Variants in PTPRT observed in about 807,000 individuals in gnomAD.
PTPRT encodes protein tyrosine phosphatase receptor type T, also known as receptor-type tyrosine-protein phosphatase T.
In PTPRT, 56 loss-of-function variants were observed where a neutral mutation model predicts 176.8. The ratio of observed to expected loss-of-function variants is 0.32; its 90% CI spans 0.26 to 0.40. PTPRT has a LOEUF of 0.40. Among genes scored for constraint, PTPRT ranks in the 10% least tolerant of loss-of-function variants. The pLI is 1.00. For missense variants in PTPRT, 1,540 were observed against 1,908.2 expected, an observed-to-expected ratio of 0.81 and a Z score of 3.60; for synonymous variants, 783 against 739.0, an observed-to-expected ratio of 1.06 and a Z score of -0.96.
At chr20:42,769,866 A>G (rs537275316) in intron 5 of PTPRT, among the ~76,000 whole-genome samples, 1 of 152,358 alleles carries the variant, frequency 6.6e-6, no homozygotes, top group Non-Finnish European at 1.5e-5. Context: ...AGAAGGGTAC[A>G]TACCGCATGC....
At chr20:42,843,882 G>A (rs555345768) in intron 2 of PTPRT, among the ~76,000 whole-genome samples, 1 of 152,308 alleles carries the variant, frequency 6.6e-6, no homozygotes, top group African/African-American at 2.4e-5. Context: ...AATTCTATTA[G>A]TAGAACCAGC....
chr20:42,965,305 T>G (rs1982231363), intron 1 of PTPRT, among the ~76,000 whole-genome samples: 1 of 152,044 alleles, frequency 6.6e-6, no homozygotes, highest in Non-Finnish European at 1.5e-5. Context: ...ATGACCTACT[T>G]CAAAAGACCA....
At chr20:42,621,456 A>G (rs936183947) in intron 7 of PTPRT, among the ~76,000 whole-genome samples, 3 of 152,164 alleles carry the variant, frequency 2.0e-5, no homozygotes, top group African/African-American at 4.8e-5. Context: ...TCCTCAACCC[A>G]TTCTATCAGA....
intron 1 of PTPRT, among the ~76,000 whole-genome samples, chr20:42,927,362 G>A (rs552241767): frequency 5.9e-5 from 9 of 152,278 alleles, no homozygotes; most frequent in African/African-American, 1.7e-4. Flanking sequence ...AGGATTTGGC[G>A]ACCAGCCTGA....
intron 9 of PTPRT, among the ~76,000 whole-genome samples, chr20:42,363,855 C>A (rs540772955): frequency 1.9e-3 from 289 of 152,212 alleles, no homozygotes; most frequent in African/African-American, 6.8e-3. Flanking sequence ...ATCTAGAATC[C>A]ACCTGCTTAA....
chr20:42,122,442 G>C (rs560965600), intron 19 of PTPRT, among the ~76,000 whole-genome samples: 1 of 152,160 alleles, frequency 6.6e-6, no homozygotes, highest in African/African-American at 2.4e-5. Flanking sequence ...TGTGACACAA[G>C]GGGTAGGAAG....
At chr20:43,156,258 G>A (rs550634994) in intron 1 of PTPRT, among the ~76,000 whole-genome samples, 91 of 152,336 alleles carry the variant, frequency 6.0e-4, no homozygotes, top group African/African-American at 2.1e-3. Flanking sequence ...ATGGAGGCTT[G>A]TCCATAACAG....
At chr20:42,470,037 A>T (rs989748042) in intron 8 of PTPRT, among the ~76,000 whole-genome samples, 2 of 152,170 alleles carry the variant, frequency 1.3e-5, no homozygotes, top group African/African-American at 2.4e-5. Context: ...AATGAAAATG[A>T]AAAAAAGAAA....
At chr20:43,152,495 G>A (rs950964150) in intron 1 of PTPRT, among the ~76,000 whole-genome samples, 1 of 152,174 alleles carries the variant, frequency 6.6e-6, no homozygotes, top group South Asian at 2.1e-4. Context: ...TCTGCCCCCT[G>A]CTAGACTACG....
At chr20:42,177,852 TCCCTC>T (rs1990356418) in intron 16 of PTPRT, among the ~76,000 whole-genome samples, 1 of 151,684 alleles carries the variant, frequency 6.6e-6, no homozygotes, top group South Asian at 2.1e-4. Flanking sequence ...TCTTCTCCCT[TCCCTC>T]CCCTCCCCTT....
intron 14 of PTPRT, among the ~76,000 whole-genome samples, 192 bp from the exon 15 acceptor site, chr20:42,236,450 T>C (rs1017823289): frequency 6.6e-6 from 1 of 152,166 alleles, no homozygotes; most frequent in Non-Finnish European, 1.5e-5. Context: ...ATATTTCCAG[T>C]GGTAGAAGAA....
chr20:42,934,153 G>A (rs1309606446), intron 1 of PTPRT, among the ~76,000 whole-genome samples: 1 of 152,070 alleles, frequency 6.6e-6, no homozygotes, highest in South Asian at 2.1e-4. Flanking sequence ...ATCTCATTAC[G>A]GCGTTGCTAA....
At chr20:42,740,173 C>T (rs934924709) in intron 6 of PTPRT, among the ~76,000 whole-genome samples, 2 of 151,954 alleles carry the variant, frequency 1.3e-5, no homozygotes, top group Admixed American at 6.6e-5. Context: ...TCTGGAGATG[C>T]CAGCCCCCAA....
intron 4 of PTPRT, among the ~76,000 whole-genome samples, chr20:42,779,072 C>T (rs2077178096): frequency 1.3e-5 from 2 of 152,158 alleles, no homozygotes; most frequent in African/African-American, 4.8e-5. Flanking sequence ...TTCCAAATTC[C>T]TCCAGAGAAG....
intron 1 of PTPRT, among the ~76,000 whole-genome samples, chr20:43,052,915 A>C (rs1163565217): frequency 6.6e-6 from 1 of 152,214 alleles, no homozygotes; most frequent in Non-Finnish European, 1.5e-5. Flanking sequence ...TGGCAGTTAC[A>C]TTCTTAGGTA....
At position 42,350,714 on chromosome 20, in the gene PTPRT, C is replaced by T. The variant is rs200534168; in HGVS notation, c.1779G>A (p.Glu593=). 3.7e-5 allele frequency: 59 copies of T among 1,612,834 alleles called. No individual in the cohort carries two copies. The Middle Eastern group carries it at 4.9e-4, about 13-fold the overall frequency. The change falls in exon 11 of 31, where the codon GAG becomes GAA. Residue 593 remains glutamate (E), a synonymous_variant. Transcript: ENST00000373187. The stretch of plus-strand genomic sequence containing the variant: ...CATTCAATGGGGTGTCTGTGTCGTA[C>T]TCAGGCATGGATGGAGCTGGACAGG... The part of the protein sequence containing the change: ...ATKISAPSMP[E]YDTDTPLNET...
At chr20:43,055,729 A>G (rs1434785407) in intron 1 of PTPRT, among the ~76,000 whole-genome samples, 1 of 152,250 alleles carries the variant, frequency 6.6e-6, no homozygotes, top group East Asian at 1.9e-4. Context: ...TGGTTCTCAA[A>G]GTAAATTATT....
rs768459454 is a variant in PTPRT at position 42,078,694 on chromosome 20, G to A, written c.*2185C>T. On this transcript the variant is annotated 3_prime_UTR_variant, in exon 31 of 31. Coordinates refer to ENST00000373187, the MANE Select transcript of PTPRT (RefSeq NM_007050.6). ...CCTGGCTCATCTCTTGCTGCTCCCC[G>A]TGTTGTGCTGTGCCCGCACTGGGCT... is the stretch of plus-strand genomic sequence containing the variant. The A allele has an allele frequency of 1.1e-5, 2 of 179,132 alleles. No individual in the cohort carries two copies. The highest frequency in any genetic ancestry group is 1.2e-5 in the Non-Finnish European group (1 of 83,550). 11.1% of individuals were successfully genotyped at this position (179,132 alleles called of 1,614,324 possible).
intron 7 of PTPRT, among the ~76,000 whole-genome samples, chr20:42,668,664 C>T (rs73112427): frequency 0.27 from 40,143 of 151,152 alleles, 5,637 homozygotes; most frequent in Non-Finnish European, 0.3. Context: ...CATCTTATGC[C>T]CTCACAGGTG....
Sources: allele counts gnomAD v4.1 joint callset (sites outside exome capture counted in the v4.1 genomes callset), GRCh38; gene constraint gnomAD v4.1.1; transcripts MANE v1.5; gene names NCBI Gene and HGNC (gene_info 2026-07-23, HGNC 2026-07-21).